ATP9B: variants seen among roughly 807,000 people sequenced by gnomAD.
ATP9B encodes ATPase phospholipid transporting 9B.
ATP9B carries 110 observed loss-of-function variants against 146.1 expected under a neutral mutation model. That is an observed-to-expected ratio of 0.75 (90% CI 0.65 to 0.88). The LOEUF (loss-of-function observed/expected upper bound fraction) is 0.88. Among genes scored for constraint, ATP9B ranks in the 40% least tolerant of loss-of-function variants. The pLI is 0.00. For synonymous variants in ATP9B, 604 were observed against 569.7 expected (o/e 1.06, Z -0.86); for missense variants, 1,499 against 1,496.4 (o/e 1.00, Z -0.03).
At chr18:79,253,324 TATA>T in intron 11 of ATP9B, 54 bp from the exon 12 acceptor site, 3 of 1,488,026 alleles carry the variant, frequency 2.0e-6, no homozygotes, top group Non-Finnish European at 2.7e-6. Context: ...CATTCTGATT[TATA>T]ATATTAGGGA....
chr18:79,142,868 T>A (rs1283195777), intron 5 of ATP9B, among the ~76,000 whole-genome samples: 1 of 152,200 alleles, frequency 6.6e-6, no homozygotes, highest in East Asian at 1.9e-4. Context: ...TTTAATAAGT[T>A]GGATATGGGT....
chr18:79,373,521 G>T (rs1268110369), intron 27 of ATP9B, among the ~76,000 whole-genome samples: 1 of 140,124 alleles, frequency 7.1e-6, no homozygotes, highest in Non-Finnish European at 1.5e-5. Context: ...ACAGAGTCTC[G>T]CTCTGTCACC....
intron 11 of ATP9B, among the ~76,000 whole-genome samples, chr18:79,227,911 C>T (rs1314019393): frequency 6.6e-6 from 1 of 152,222 alleles, no homozygotes; most frequent in Non-Finnish European, 1.5e-5. Context: ...CATTGAACTG[C>T]CCATTCTCTA....
intron 13 of ATP9B, among the ~76,000 whole-genome samples, chr18:79,286,651 C>CT (rs1475606369): frequency 2.0e-4 from 30 of 152,078 alleles, no homozygotes; most frequent in African/African-American, 7.2e-4. Context: ...ACTTCCAACA[C>CT]TATGTTGAAT....
At chr18:79,106,344 C>T (rs1055603335) in intron 2 of ATP9B, among the ~76,000 whole-genome samples, 2 of 152,176 alleles carry the variant, frequency 1.3e-5, no homozygotes, top group Admixed American at 6.5e-5. Flanking sequence ...CAAAAATTCC[C>T]CATATTTCAT....
chr18:79,325,439 G>T (rs921599476), intron 15 of ATP9B, among the ~76,000 whole-genome samples: 5 of 152,160 alleles, frequency 3.3e-5, no homozygotes, highest in African/African-American at 1.2e-4. Flanking sequence ...CTTAAAATAT[G>T]AGAAATTTGT....
At chr18:79,189,654 CT>C (rs1403290333) in intron 8 of ATP9B, among the ~76,000 whole-genome samples, 1 of 152,108 alleles carries the variant, frequency 6.6e-6, no homozygotes, top group African/African-American at 2.4e-5. Context: ...AGAAAATACA[CT>C]TATATAGTAC....
chr18:79,260,099 C>T (rs192794420), intron 12 of ATP9B, among the ~76,000 whole-genome samples: 15 of 152,232 alleles, frequency 9.9e-5, no homozygotes, highest in Admixed American at 7.2e-4. Context: ...GGTGTTAGTC[C>T]GTTCTCACCC....
At position 79,110,422 on chromosome 18, in the gene ATP9B, G is replaced by A; in HGVS notation, c.361G>A (p.Gly121Arg). ...GCTGAAAGCTCGCACAGTATGGCTT[G>A]GATGTCCTGAAAAGTGTGAAGAAAA... is the stretch of plus-strand genomic sequence containing the variant. ...KELKARTVWL[G>R]CPEKCEEKHP... is the part of the protein sequence containing the mutation. The change falls in exon 3 of 30, where the codon GGA (glycine) becomes AGA (arginine). Residue 121 changes from glycine to arginine, a missense_variant. Transcript: ENST00000426216. 6.2e-7 allele frequency: 1 copy of A among 1,612,168 alleles called. No individual in the cohort carries two copies. Among genetic ancestry groups the A allele is most frequent in the Non-Finnish European group, 8.5e-7 (1 of 1,178,900 alleles).
chr18:79,256,284 T>TATATATATATATATATAC (rs1217998447), intron 12 of ATP9B, among the ~76,000 whole-genome samples: 112 of 122,802 alleles, frequency 9.1e-4, no homozygotes, highest in Non-Finnish European at 1.8e-3. Context: ...TATATATATA[T>TATATATATATATATATAC]ATACATACAT....
At chr18:79,150,073 G>T (rs1279112626) in intron 6 of ATP9B, among the ~76,000 whole-genome samples, 1 of 143,598 alleles carries the variant, frequency 7.0e-6, no homozygotes, top group Non-Finnish European at 1.5e-5. Flanking sequence ...GAGCAAGACT[G>T]TATCTCAAAA....
chr18:79,120,051 G>C (rs1429178753), intron 4 of ATP9B, among the ~76,000 whole-genome samples: 2 of 152,144 alleles, frequency 1.3e-5, no homozygotes, highest in East Asian at 3.8e-4. Flanking sequence ...ATATGTATAG[G>C]TGTCTCTTTT....
chr18:79,349,435 C>G (rs2096910031), intron 25 of ATP9B, among the ~76,000 whole-genome samples: 1 of 152,250 alleles, frequency 6.6e-6, no homozygotes, highest in Non-Finnish European at 1.5e-5. Flanking sequence ...CCAGCTCAGA[C>G]CTGAGTTGTC....
At chr18:79,339,941 G>A (rs1270389706) in intron 19 of ATP9B, among the ~76,000 whole-genome samples, 2 of 152,172 alleles carry the variant, frequency 1.3e-5, no homozygotes, top group East Asian at 3.9e-4. Flanking sequence ...TAATTGTATT[G>A]TACAGCCAAA....
In ATP9B at chr18:79,377,316, C is replaced by A. The variant is rs562076453; in HGVS notation, c.3377C>A (p.Pro1126Gln). ...VSAITVVSCL[P>Q]LYVLKYLRRK... is the part of the protein sequence containing the mutation. ...GCGATCACCGTGGTCAGCTGCCTCC[C>A]GCTGTATGTCCTCAAGTACCTGAGG... The change falls in exon 30 of 30, where the codon CCG becomes CAG. Residue 1126 changes from proline to glutamine, a missense_variant. By Grantham distance (76) the Pro-to-Gln change is moderately conservative. Transcript: ENST00000426216. 1 of 1,612,378 alleles carries A rather than the reference C, an allele frequency of 6.2e-7. No homozygotes were observed.
In ATP9B at chr18:79,329,308, G is replaced by A. The variant is rs772713108; in HGVS notation, c.1935+6G>A. On this transcript the variant is annotated splice_donor_region_variant and intron_variant, in intron 16 of 29. Coordinates refer to ENST00000426216, the MANE Select transcript of ATP9B (RefSeq NM_198531.5). The stretch of plus-strand genomic sequence containing the variant: ...GGATGGGCGTCATCGTCAGGGTGAG[G>A]CTGCGGGGAGGGTGCCACGCGATGG... 5.0e-6 allele frequency: 8 copies of A among 1,585,476 alleles called. No individual in the cohort carries two copies. In the Middle Eastern group the frequency reaches 5.0e-4, roughly 100 times the overall value.
chr18:79,073,421 G>A (rs1568359315), intron 1 of ATP9B, among the ~76,000 whole-genome samples: 1 of 152,246 alleles, frequency 6.6e-6, no homozygotes, highest in African/African-American at 2.4e-5. Flanking sequence ...GAAGTCAGGA[G>A]CCGGAGACCA....
rs1273263390 is a variant in ATP9B at position 79,360,362 on chromosome 18, T to C, written c.3012+900T>C. ...CAGTAGCTGTATGGTAAAGAAAGAA[T>C]TAGATTAGGCATTAAAAAAGAAAGC... On this transcript the variant is annotated intron_variant, in intron 26 of 29. Transcript: ENST00000426216. 6 of 152,010 alleles carry C rather than the reference T, an allele frequency of 3.9e-5. No homozygotes were observed. The East Asian group carries it at 1.2e-3, about 29-fold the overall frequency. The allele number at this position is 152,010 out of a possible 1,614,324, so 9.4% of individuals were successfully genotyped here.
intron 15 of ATP9B, among the ~76,000 whole-genome samples, chr18:79,326,483 G>A (rs1204220154): frequency 6.8e-6 from 1 of 147,170 alleles, no homozygotes; most frequent in African/African-American, 2.5e-5. Flanking sequence ...TGGTGTTAGG[G>A]TGTCATCTCT....
Sources: gnomAD v4.1 joint callset for allele counts (sites outside exome capture counted in the v4.1 genomes callset) on GRCh38, gnomAD v4.1.1 for gene constraint, MANE v1.5 for transcripts, NCBI Gene and HGNC (gene_info 2026-07-23, HGNC 2026-07-21) for gene names.